CNTN5: variants seen among roughly 807,000 people sequenced by gnomAD.
CNTN5 encodes the protein contactin-5.
Under a neutral mutation model 129.1 loss-of-function variants are expected in CNTN5, and 77 were observed. The observed-to-expected ratio is 0.60, with a 90% CI of 0.50 to 0.72. The LOEUF (loss-of-function observed/expected upper bound fraction) is 0.72, where lower values mean the gene tolerates loss of function less well. Ranked by LOEUF, CNTN5 falls within the 30% of genes least tolerant of loss-of-function variation. The pLI is 0.00. For missense variants in CNTN5, 1,478 were observed against 1,328.8 expected (o/e 1.11, Z -1.75); for synonymous variants, 509 against 465.6 (o/e 1.09, Z -1.20).
At chr11:99,382,301 C>T (rs1940615588) in intron 2 of CNTN5, among the ~76,000 whole-genome samples, 1 of 152,052 alleles carries the variant, frequency 6.6e-6, no homozygotes. Context: ...TTGGCTTCTA[C>T]AGAAAATAAT....
chr11:100,063,189 C>G (rs1044194556), intron 10 of CNTN5, among the ~76,000 whole-genome samples: 3 of 151,932 alleles, frequency 2.0e-5, no homozygotes, highest in Admixed American at 1.3e-4. Context: ...CTCCCTTAAC[C>G]CCAGCTACTT....
At chr11:99,361,206 T>C (rs752944489) in intron 2 of CNTN5, among the ~76,000 whole-genome samples, 5 of 152,152 alleles carry the variant, frequency 3.3e-5, no homozygotes, top group Non-Finnish European at 5.9e-5. Context: ...GACTGAGGTT[T>C]TCTCTATAGC....
chr11:99,095,868 T>A lies in CNTN5; in HGVS notation c.-210+74598T>A, dbSNP rs548770792. 4.0e-4 allele frequency among the ~76,000 whole-genome samples: 61 copies of A among 152,020 alleles called. 1 individual carries two copies. Among genetic ancestry groups the A allele is most frequent in the Admixed American group, 3.1e-3 (47 of 15,240 alleles). Reference sequence around the variant, plus strand: ...AGATAACTTACATTGAGAGACATGATGTGATTTTTCAAAAAATTAAGTATT... The same window carrying A: ...AGATAACTTACATTGAGAGACATGAAGTGATTTTTCAAAAAATTAAGTATT... On this transcript the variant is annotated intron_variant, in intron 1 of 24. Transcript: ENST00000524871.
intron 2 of CNTN5, among the ~76,000 whole-genome samples, chr11:99,491,261 C>G (rs1565227396): frequency 6.6e-6 from 1 of 152,096 alleles, no homozygotes; most frequent in East Asian, 1.9e-4. Context: ...AAGAGTTGTG[C>G]CAGAGAATTC....
chr11:99,750,954 G>A (rs1421168689), intron 3 of CNTN5, among the ~76,000 whole-genome samples: 1 of 152,098 alleles, frequency 6.6e-6, no homozygotes, highest in Non-Finnish European at 1.5e-5. Flanking sequence ...GCTAATATAG[G>A]CAAAAGTCAC....
At chr11:99,526,010 T>G (rs1947470848) in intron 2 of CNTN5, among the ~76,000 whole-genome samples, 1 of 150,760 alleles carries the variant, frequency 6.6e-6, no homozygotes, top group Admixed American at 6.6e-5. Context: ...TATCACTTTT[T>G]ATATATGTAA....
At chr11:99,689,658 A>T (rs1300472160) in intron 3 of CNTN5, among the ~76,000 whole-genome samples, 1 of 146,944 alleles carries the variant, frequency 6.8e-6, no homozygotes, top group Admixed American at 6.9e-5. Flanking sequence ...TGTGGTTTTG[A>T]TTTGCATTTC....
rs187538172 is a variant in CNTN5, at chr11:99,888,881, A to C, written c.578-27173A>C. 2.4e-4 allele frequency among the ~76,000 whole-genome samples: 37 copies of C among 152,330 alleles called. 1 individual carries two copies. In the East Asian group the frequency reaches 6.9e-3, roughly 29 times the overall value. On this transcript the variant is annotated intron_variant, in intron 6 of 24. Transcript: ENST00000524871. ...ACGCAGGGCAAATTTAATTTCTCTA[A>C]GTTTACATTATGTCATTTACTAAAT...
intron 8 of CNTN5, among the ~76,000 whole-genome samples, chr11:99,990,455 T>TACACACACACACACACAC (rs57175307): frequency 4.8e-5 from 7 of 145,080 alleles, no homozygotes; most frequent in African/African-American, 1.0e-4. Flanking sequence ...TATATATATA[T>TACACACACACACACACAC]ACACACACAC....
At chr11:99,458,644 C>T (rs1186231159) in intron 2 of CNTN5, among the ~76,000 whole-genome samples, 3 of 151,864 alleles carry the variant, frequency 2.0e-5, no homozygotes, top group Admixed American at 1.3e-4. Context: ...ACATAAAGTC[C>T]TTGAAATGCC....
chr11:99,290,722 G>A (rs1371141551), intron 1 of CNTN5, among the ~76,000 whole-genome samples: 1 of 151,750 alleles, frequency 6.6e-6, no homozygotes, highest in Non-Finnish European at 1.5e-5. Flanking sequence ...TCATCAGTAA[G>A]CTTTCAGAGT....
intron 1 of CNTN5, among the ~76,000 whole-genome samples, chr11:99,155,241 T>A (rs1231544563): frequency 1.3e-5 from 2 of 152,208 alleles, no homozygotes; most frequent in Non-Finnish European, 1.5e-5. Flanking sequence ...TTACTTTCAA[T>A]GCCTTCTCTT....
intron 21 of CNTN5, chr11:100,337,707 G>T: frequency 3.9e-6 from 2 of 516,600 alleles, no homozygotes; most frequent in Admixed American, 2.3e-5. Context: ...CATATGTTTA[G>T]CCAGGTGGCT....
chr11:99,642,846 G>A (rs73001258), intron 3 of CNTN5, among the ~76,000 whole-genome samples: 21,754 of 152,178 alleles, frequency 0.14, 1,891 homozygotes, highest in Non-Finnish European at 0.2. Context: ...ACAGTATGAG[G>A]TATTAGCCCT....
At chr11:99,375,947 G>T (rs753515017) in intron 2 of CNTN5, among the ~76,000 whole-genome samples, 1 of 151,956 alleles carries the variant, frequency 6.6e-6, no homozygotes, top group African/African-American at 2.4e-5. Context: ...ATGGAATATC[G>T]ACTTGGATCA....
chr11:100,326,276 C>A (rs959670322), intron 21 of CNTN5, among the ~76,000 whole-genome samples: 2 of 151,256 alleles, frequency 1.3e-5, no homozygotes, highest in African/African-American at 2.4e-5. Context: ...TAGGTATCTG[C>A]GAAGAAGATA....
At chr11:100,341,240 A>C in intron 23 of CNTN5, 35 bp downstream of exon 23, 4 of 1,420,334 alleles carry the variant, frequency 2.8e-6, no homozygotes, top group South Asian at 1.2e-5. Flanking sequence ...ATAGATACTC[A>C]TCTCCGAAAT....
At chr11:99,820,378 AAG>A (rs1233699970) in intron 4 of CNTN5, among the ~76,000 whole-genome samples, 2 of 152,306 alleles carry the variant, frequency 1.3e-5, no homozygotes, top group African/African-American at 4.8e-5. Context: ...GAAAATAATA[AAG>A]AGAGCACGCA....
At chr11:99,519,446 A>T (rs191882889) in intron 2 of CNTN5, among the ~76,000 whole-genome samples, 1 of 151,980 alleles carries the variant, frequency 6.6e-6, no homozygotes, top group African/African-American at 2.4e-5. Flanking sequence ...GAATGTGGGG[A>T]TATGTGTGTT....
Sources: gnomAD v4.1 joint callset for allele counts (sites outside exome capture counted in the v4.1 genomes callset) on GRCh38, gnomAD v4.1.1 for gene constraint, MANE v1.5 for transcripts, NCBI Gene and HGNC (gene_info 2026-07-23, HGNC 2026-07-21) for gene names.